SLC15A1: variants seen among roughly 807,000 people sequenced by gnomAD.
The protein encoded by SLC15A1 is Caco-2 oligopeptide transporter.
SLC15A1 carries 83 observed loss-of-function variants against 92.9 expected under a neutral mutation model. The observed-to-expected ratio is 0.89, with a 90% CI of 0.75 to 1.07. The LOEUF (loss-of-function observed/expected upper bound fraction) is 1.07. Ranked by LOEUF, SLC15A1 falls within the 50% of genes least tolerant of loss-of-function variation. The pLI is 0.00. For missense variants in SLC15A1, 857 were observed against 880.1 expected (o/e 0.97, Z 0.33); for synonymous variants, 322 against 318.2 (o/e 1.01, Z -0.13).
At chr13:98,727,261 C>G (rs1241500434) in intron 1 of SLC15A1, among the ~76,000 whole-genome samples, 1 of 152,232 alleles carries the variant, frequency 6.6e-6, no homozygotes, top group Admixed American at 6.5e-5. Flanking sequence ...GTGCCTGACA[C>G]ACTGTGCACA....
chr13:98,723,719 C>T (rs112228754), intron 5 of SLC15A1, among the ~76,000 whole-genome samples, 193 bp downstream of exon 5: 3,260 of 152,270 alleles, frequency 0.021, 103 homozygotes, highest in African/African-American at 0.075. Flanking sequence ...AGCAATGCCT[C>T]TAGACAACTG....
chr13:98,737,497 TA>T (rs1272099509), intron 1 of SLC15A1, among the ~76,000 whole-genome samples: 1 of 151,930 alleles, frequency 6.6e-6, no homozygotes, highest in Non-Finnish European at 1.5e-5. Context: ...AGTATAATAA[TA>T]AAAAAAGGAA....
At chr13:98,707,607 C>G (rs2088122883) in intron 15 of SLC15A1, among the ~76,000 whole-genome samples, 1 of 152,108 alleles carries the variant, frequency 6.6e-6, no homozygotes, top group African/African-American at 2.4e-5. Flanking sequence ...GAACTGTACA[C>G]TTAAAAATGG....
intron 18 of SLC15A1, among the ~76,000 whole-genome samples, chr13:98,695,002 C>T (rs1173402799): frequency 1.8e-5 from 2 of 110,420 alleles, no homozygotes; most frequent in Non-Finnish European, 3.4e-5. Flanking sequence ...ACCGGGGTGA[C>T]AGAGTGAGAC....
chr13:98,751,942 T>C (rs149070374), intron 1 of SLC15A1, among the ~76,000 whole-genome samples: 2 of 152,326 alleles, frequency 1.3e-5, no homozygotes, highest in Admixed American at 6.5e-5. Context: ...CTTCCGTTCA[T>C]TCTCTCTGGG....
At chr13:98,732,721 G>A (rs749940263) in intron 1 of SLC15A1, among the ~76,000 whole-genome samples, 1 of 152,130 alleles carries the variant, frequency 6.6e-6, no homozygotes, top group Non-Finnish European at 1.5e-5. Context: ...ATTTTGCTGA[G>A]GTCTAAGAGA....
intron 18 of SLC15A1, among the ~76,000 whole-genome samples, chr13:98,693,680 C>T (rs527691875): frequency 1.2e-4 from 18 of 152,154 alleles, no homozygotes; most frequent in Non-Finnish European, 2.5e-4. Flanking sequence ...CCTTTCAATT[C>T]TTGATGACAC....
At chr13:98,688,121 T>C in intron 20 of SLC15A1, 127 bp downstream of exon 20, 1 of 664,318 alleles carries the variant, frequency 1.5e-6, no homozygotes. Flanking sequence ...AAATTAATTC[T>C]AAGCCCATTT....
chr13:98,686,243 C>T lies in SLC15A1; in HGVS notation c.1882G>A (p.Val628Ile). ...LQAGWLLTVA[V>I]GNIIVLIVAG... ...ACGATGAGCACAATGATGTTGCCAA[C>T]AGCCACGGTCAGCAGCCATCCTGCC... Residue 628 changes from valine (V) to isoleucine (I), a missense_variant, in exon 22 of 23, where the codon GTT becomes ATT. Physicochemically the swap from Val to Ile is conservative, Grantham distance 29. Coordinates refer to ENST00000376503, the MANE Select transcript of SLC15A1 (RefSeq NM_005073.4). The T allele has an allele frequency of 6.2e-7, 1 of 1,613,712 alleles. No individual in the cohort carries two copies. Among genetic ancestry groups the T allele is most frequent in the Non-Finnish European group, 8.5e-7 (1 of 1,179,870 alleles).
chr13:98,716,154 G>A (rs775456977), intron 8 of SLC15A1, among the ~76,000 whole-genome samples, 194 bp from the exon 9 acceptor site: 7 of 152,126 alleles, frequency 4.6e-5, no homozygotes, highest in South Asian at 2.1e-4. Context: ...TCTGAGTAAC[G>A]TTAGGTTTGT....
At chr13:98,698,464 G>C (rs1349775496) in intron 18 of SLC15A1, among the ~76,000 whole-genome samples, 1 of 152,080 alleles carries the variant, frequency 6.6e-6, no homozygotes, top group Admixed American at 6.5e-5. Flanking sequence ...TTGGAGACAG[G>C]GTCTCACTCT....
chr13:98,713,130 C>T (rs1181532590), intron 9 of SLC15A1, among the ~76,000 whole-genome samples: 1 of 152,190 alleles, frequency 6.6e-6, no homozygotes, highest in Non-Finnish European at 1.5e-5. Context: ...TGTCTTGGCT[C>T]ACTGGAGCCT....
At chr13:98,734,444 C>A (rs2088374238) in intron 1 of SLC15A1, among the ~76,000 whole-genome samples, 2 of 152,140 alleles carry the variant, frequency 1.3e-5, no homozygotes, top group African/African-American at 4.8e-5. Context: ...ACAGTGGGTG[C>A]AGCCACGGAG....
At chr13:98,702,422 G>T in intron 18 of SLC15A1, 58 bp downstream of exon 18, 1 of 1,082,070 alleles carries the variant, frequency 9.2e-7, no homozygotes, top group Non-Finnish European at 1.4e-6. Flanking sequence ...TTTACTATGG[G>T]TATGCATTAC....
intron 7 of SLC15A1, 33 bp from the exon 8 acceptor site, chr13:98,719,353 G>A: frequency 6.7e-7 from 1 of 1,497,428 alleles, no homozygotes; most frequent in Non-Finnish European, 9.3e-7. Flanking sequence ...AAATTGTTAT[G>A]GCATTGGTAA....
chr13:98,752,192 A>G (rs2088552077), intron 1 of SLC15A1, among the ~76,000 whole-genome samples: 1 of 152,220 alleles, frequency 6.6e-6, no homozygotes, highest in African/African-American at 2.4e-5. Context: ...CTCGCCAGCC[A>G]GAGGCAAGAC....
chr13:98,722,633 A>C (rs1165016229), intron 5 of SLC15A1, among the ~76,000 whole-genome samples: 4 of 152,202 alleles, frequency 2.6e-5, no homozygotes, highest in Non-Finnish European at 4.4e-5. Context: ...ATTTTATGAG[A>C]CAGATAAAGT....
chr13:98,715,772 TA>T, intron 9 of SLC15A1, 105 bp downstream of exon 9: 1 of 915,304 alleles, frequency 1.1e-6, no homozygotes, highest in Non-Finnish European at 1.7e-6. Flanking sequence ...TTAAGAACAC[TA>T]AAAATATATT....
At chr13:98,720,080 G>A (rs1192036633) in intron 7 of SLC15A1, among the ~76,000 whole-genome samples, 1 of 152,192 alleles carries the variant, frequency 6.6e-6, no homozygotes, top group Non-Finnish European at 1.5e-5. Context: ...TGCTATCAGG[G>A]TTTTGCTTTG....
Sources: gnomAD v4.1 joint callset for allele counts (sites outside exome capture counted in the v4.1 genomes callset) on GRCh38, gnomAD v4.1.1 for gene constraint, MANE v1.5 for transcripts, NCBI Gene and HGNC (gene_info 2026-07-23, HGNC 2026-07-21) for gene names.